Variants in LINGO2 observed in about 807,000 individuals in gnomAD.
LINGO2 encodes the protein leucine rich repeat and Ig domain containing 2.
Under a neutral mutation model 30.6 loss-of-function variants are expected in LINGO2, and 14 were observed. The observed-to-expected ratio is 0.46, with a 90% CI of 0.30 to 0.72. The LOEUF is 0.72. Among genes scored for constraint, LINGO2 ranks in the 30% least tolerant of loss-of-function variants. The pLI is 0.07. For synonymous variants in LINGO2, 317 were observed against 288.5 expected, an observed-to-expected ratio of 1.10 and a Z score of -1.00; for missense variants, 729 against 751.7, an observed-to-expected ratio of 0.97 and a Z score of 0.35.
chr9:28,175,346 C>G (rs925517435), intron 4 of LINGO2, among the ~76,000 whole-genome samples: 3 of 152,062 alleles, frequency 2.0e-5, no homozygotes, highest in East Asian at 1.9e-4. Context: ...ATGTGTCTGA[C>G]CGCAACTCTC....
At chr9:28,181,994 C>T (rs1819361174) in intron 4 of LINGO2, among the ~76,000 whole-genome samples, 1 of 152,072 alleles carries the variant, frequency 6.6e-6, no homozygotes, top group African/African-American at 2.4e-5. Context: ...AAAGTAGACC[C>T]TGTATAGCCA....
At chr9:28,492,960 T>A (rs898905770) in intron 1 of LINGO2, among the ~76,000 whole-genome samples, 3 of 152,156 alleles carry the variant, frequency 2.0e-5, no homozygotes, top group Non-Finnish European at 4.4e-5. Flanking sequence ...TGTTAACCTA[T>A]TTTATTGGTG....
chr9:28,010,479 C>A (rs1195680858), intron 5 of LINGO2, among the ~76,000 whole-genome samples: 3 of 152,154 alleles, frequency 2.0e-5, no homozygotes, highest in Admixed American at 6.5e-5. Flanking sequence ...TGAATAAAAT[C>A]TTACATGGAA....
chr9:27,947,465 G>A (rs1823409794), downstream of LINGO2, among the ~76,000 whole-genome samples: 2 of 151,990 alleles, frequency 1.3e-5, no homozygotes, highest in Admixed American at 1.3e-4. Context: ...AACACTAAAT[G>A]GTTTTTAATC....
At chr9:27,985,378 T>A (rs1821076967) in intron 5 of LINGO2, among the ~76,000 whole-genome samples, 1 of 151,920 alleles carries the variant, frequency 6.6e-6, no homozygotes, top group Admixed American at 6.6e-5. Flanking sequence ...CATAAAAGGT[T>A]AGGATATCCC....
chr9:29,103,176 T>C, the LINGO2 span, among the ~76,000 whole-genome samples: 1 of 152,086 alleles, frequency 6.6e-6, no homozygotes, highest in African/African-American at 2.4e-5. Flanking sequence ...AAAGATCACC[T>C]CAAGCAAGAG....
chr9:29,155,580 T>A, the LINGO2 span, among the ~76,000 whole-genome samples: 1 of 150,280 alleles, frequency 6.7e-6, no homozygotes, highest in Non-Finnish European at 1.5e-5. Flanking sequence ...TACAATAATC[T>A]AAAAATAAAT....
Position 27,950,459 on chromosome 9 carries a change from G to C in LINGO2, c.213C>G (p.Ser71Arg), listed in dbSNP as rs750851501. ...ATGATATGAATTCTTCAGGGTTGACGCTTTTTAGCCTGTTTTTACTGAGGT... is the reference window on the plus strand; with the variant it reads ...ATGATATGAATTCTTCAGGGTTGACCCTTTTTAGCCTGTTTTTACTGAGGT... Residue 71 changes from serine to arginine, a missense_variant, in exon 6 of 6, where the codon AGC becomes AGG. Transcript: ENST00000379992. The C allele has an allele frequency of 3.7e-6, 6 of 1,609,806 alleles. No homozygotes were observed. In the South Asian group the frequency reaches 5.5e-5, roughly 15 times the overall value.
At chr9:28,783,655 T>A in the LINGO2 span, among the ~76,000 whole-genome samples, 157 of 152,180 alleles carry the variant, frequency 1.0e-3, 1 homozygote, top group African/African-American at 3.5e-3. Context: ...TTGAATTGGG[T>A]GTGGAAAGAT....
the LINGO2 span, among the ~76,000 whole-genome samples, chr9:29,137,842 A>T: frequency 6.6e-6 from 1 of 152,086 alleles, no homozygotes; most frequent in Non-Finnish European, 1.5e-5. Context: ...ATATGATATG[A>T]GGCAAGGTAT....
At chr9:29,189,874 T>G in the LINGO2 span, among the ~76,000 whole-genome samples, 8 of 148,470 alleles carry the variant, frequency 5.4e-5, 1 homozygote, top group African/African-American at 2.1e-4. Flanking sequence ...CAGTCAGGCG[T>G]GGCAGCGCGC....
chr9:28,763,806 G>C, the LINGO2 span, among the ~76,000 whole-genome samples: 1 of 149,910 alleles, frequency 6.7e-6, no homozygotes, highest in South Asian at 2.1e-4. Context: ...GAGAGAGAGA[G>C]GATACAAATA....
intron 1 of LINGO2, among the ~76,000 whole-genome samples, chr9:28,514,256 A>G (rs142995446): frequency 0.017 from 2,610 of 152,188 alleles, 38 homozygotes; most frequent in Non-Finnish European, 0.025. Flanking sequence ...GTAACCCTAC[A>G]ATGGCTTCTA....
chr9:28,341,741 C>T (rs1825773162), intron 3 of LINGO2, among the ~76,000 whole-genome samples: 1 of 152,138 alleles, frequency 6.6e-6, no homozygotes, highest in South Asian at 2.1e-4. Context: ...AACTTTCACA[C>T]AGTAGATAAG....
At chr9:28,648,363 G>A (rs886629312) in intron 1 of LINGO2, among the ~76,000 whole-genome samples, 4 of 151,984 alleles carry the variant, frequency 2.6e-5, no homozygotes, top group Admixed American at 2.0e-4. Context: ...CCTATACATT[G>A]CCTACTCATC....
the LINGO2 span, among the ~76,000 whole-genome samples, chr9:28,718,730 T>C: frequency 3.3e-5 from 5 of 152,094 alleles, no homozygotes; most frequent in Non-Finnish European, 7.4e-5. Flanking sequence ...CTTACTGGCA[T>C]ACTTAACTCA....
chr9:28,501,444 C>T (rs185588888), intron 1 of LINGO2, among the ~76,000 whole-genome samples: 2 of 152,196 alleles, frequency 1.3e-5, no homozygotes, highest in African/African-American at 4.8e-5. Flanking sequence ...AAGCAAAGAA[C>T]ATTAAATTAA....
At chr9:29,203,886 A>G in the LINGO2 span, among the ~76,000 whole-genome samples, 1 of 152,210 alleles carries the variant, frequency 6.6e-6, no homozygotes, top group South Asian at 2.1e-4. Context: ...TATTGCTATG[A>G]TATTAAATAC....
chr9:28,515,907 T>G (rs1820601812), intron 1 of LINGO2, among the ~76,000 whole-genome samples: 2 of 152,144 alleles, frequency 1.3e-5, no homozygotes, highest in Non-Finnish European at 2.9e-5. Context: ...TGCAGCAAAC[T>G]TCTTTTGTTG....
Sources: allele counts gnomAD v4.1 joint callset (sites outside exome capture counted in the v4.1 genomes callset), GRCh38; gene constraint gnomAD v4.1.1; transcripts MANE v1.5; gene names NCBI Gene and HGNC (gene_info 2026-07-23, HGNC 2026-07-21).